Variants in FAM114A1 observed in about 807,000 individuals in gnomAD.
FAM114A1 encodes family with sequence similarity 114 member A1.
In FAM114A1, 62 loss-of-function variants were observed where a neutral mutation model predicts 64.3. The ratio of observed to expected loss-of-function variants is 0.96; its 90% confidence interval spans 0.79 to 1.19. The LOEUF (loss-of-function observed/expected upper bound fraction) is 1.19, where lower values mean the gene tolerates loss of function less well. FAM114A1 is among the 50% of genes most tolerant of loss of function. The pLI, the probability that FAM114A1 is intolerant of heterozygous loss-of-function variation, is 0.00. For missense variants in FAM114A1, 645 were observed against 676.3 expected (o/e 0.95, Z 0.51); for synonymous variants, 254 against 251.1 (o/e 1.01, Z -0.11).
At position 38,914,902 on chromosome 4, in the gene FAM114A1, A is replaced by T; in HGVS notation, c.793-19A>T. ...TTTTAAATGTACATCCAGAGTACAA[A>T]CATTGTGTATTTCTGCAGATGTTAA... On this transcript the variant is annotated intron_variant, in intron 7 of 14. Coordinates refer to ENST00000358869, the MANE Select transcript of FAM114A1 (RefSeq NM_138389.4). The T allele has an allele frequency of 6.2e-7, 1 of 1,612,540 alleles. No individual in the cohort carries two copies. The highest frequency in any genetic ancestry group is 8.5e-7 in the Non-Finnish European group (1 of 1,178,932).
intron 7 of FAM114A1, among the ~76,000 whole-genome samples, chr4:38,913,498 C>T (rs1438626616): frequency 2.6e-5 from 4 of 152,044 alleles, no homozygotes; most frequent in Non-Finnish European, 5.9e-5. Flanking sequence ...TCAACCTCCG[C>T]CTCTCCTGCC....
chr4:38,899,919 A>C (rs1416327545), intron 4 of FAM114A1, among the ~76,000 whole-genome samples: 1 of 152,058 alleles, frequency 6.6e-6, no homozygotes, highest in East Asian at 1.9e-4. Flanking sequence ...CAGTTTTTGC[A>C]GGCCTTACTT....
intron 6 of FAM114A1, among the ~76,000 whole-genome samples, chr4:38,907,740 CATA>C (rs1227715523): frequency 6.6e-6 from 1 of 151,846 alleles, no homozygotes; most frequent in Non-Finnish European, 1.5e-5. Context: ...GTAATAATAT[CATA>C]ATAAAATACA....
Position 38,878,351 on chromosome 4 carries a change from T to G in FAM114A1, c.273T>G (p.Leu91=). 1 of 1,613,988 alleles carries G rather than the reference T, an allele frequency of 6.2e-7. No individual in the cohort carries two copies. The highest frequency in any genetic ancestry group is 8.5e-7 in the Non-Finnish European group (1 of 1,179,918). The part of the protein sequence containing the change: ...PLNGDVTEDT[L]AECIDSVSLE... The stretch of plus-strand genomic sequence containing the variant: ...ATGGAGACGTGACTGAGGATACACT[T>G]GCTGAATGTATTGATTCCGTCAGCC... The change falls in exon 3 of 15, where the codon CTT becomes CTG. Residue 91 remains leucine, a synonymous_variant. Transcript: ENST00000358869.
chr4:38,867,901 C>A (rs7340910), intron 1 of FAM114A1, 67 bp downstream of exon 1: 4,461 of 196,726 alleles, frequency 0.023, 160 homozygotes, highest in African/African-American at 0.085. Context: ...GGGGCGGCTG[C>A]CCGGGGGTGG....
chr4:38,922,402 A>C (rs1047611718), intron 8 of FAM114A1, among the ~76,000 whole-genome samples: 1 of 152,254 alleles, frequency 6.6e-6, no homozygotes, highest in African/African-American at 2.4e-5. Context: ...CGAAGGTCAT[A>C]GTAAGTGAGG....
In FAM114A1 at chr4:38,944,655, T is replaced by C. The variant is rs1721832096; in HGVS notation, c.*1098T>C. The C allele has an allele frequency of 6.6e-6, 1 of 152,186 alleles. No individual in the cohort carries two copies. 9.4% of individuals were successfully genotyped at this position (152,186 alleles called of 1,614,324 possible). ...ATTACTGCCTGAGCTCTGCCTCCCG[T>C]CAGGTCAGCAGCAGCATTAGAGTCT... On this transcript the variant is annotated 3_prime_UTR_variant, in exon 15 of 15. Transcript: ENST00000358869.
At chr4:38,905,436 T>C in intron 4 of FAM114A1, 86 bp from the exon 5 acceptor site, 1 of 1,006,222 alleles carries the variant, frequency 9.9e-7, no homozygotes, top group Non-Finnish European at 1.5e-6. Context: ...CTTCTGCAAC[T>C]TGAAACAGCT....
chr4:38,923,026 TCTGCTCTTGTTACAGG>T (rs1168316472), intron 9 of FAM114A1, 133 bp downstream of exon 9: 2 of 1,047,778 alleles, frequency 1.9e-6, no homozygotes, highest in African/African-American at 3.3e-5. Flanking sequence ...ACACTGTGCA[TCTGCTCTTGTTACAGG>T]AGCTGGTCAC....
intron 13 of FAM114A1, 132 bp from the exon 14 acceptor site, chr4:38,940,836 T>C: frequency 1.1e-6 from 1 of 891,376 alleles, no homozygotes; most frequent in Non-Finnish European, 1.8e-6. Flanking sequence ...GCCTGGTCTG[T>C]AGGAAGCATT....
intron 4 of FAM114A1, among the ~76,000 whole-genome samples, chr4:38,899,927 C>T (rs1717342279): frequency 6.6e-6 from 1 of 152,046 alleles, no homozygotes; most frequent in Admixed American, 6.5e-5. Context: ...GCAGGCCTTA[C>T]TTATTTCCAC....
chr4:38,944,952 A>T lies in FAM114A1; in HGVS notation c.*1395A>T, dbSNP rs1721859364. The T allele has an allele frequency of 6.6e-6, 1 of 152,204 alleles. No individual in the cohort carries two copies. The highest frequency in any genetic ancestry group is 1.5e-5 in the Non-Finnish European group (1 of 68,034). 9.4% of individuals were successfully genotyped at this position (152,204 alleles called of 1,614,324 possible). A position where few individuals can be genotyped will look rare whatever the true frequency, so the allele number is the denominator to read the frequency against. On this transcript the variant is annotated 3_prime_UTR_variant, in exon 15 of 15. Coordinates refer to ENST00000358869, the MANE Select transcript of FAM114A1 (RefSeq NM_138389.4). The stretch of plus-strand genomic sequence containing the variant: ...CCTTAAAAACTTTGAAGAACAAGGT[A>T]AATTGGTGTTTTATTTAATGTCCTA...
At chr4:38,928,757 G>A (rs1720366322) in intron 9 of FAM114A1, among the ~76,000 whole-genome samples, 1 of 152,192 alleles carries the variant, frequency 6.6e-6, no homozygotes, top group South Asian at 2.1e-4. Context: ...GACTAATTCG[G>A]TTTATTCAGC....
rs538156355 is a variant in FAM114A1 at position 38,890,918 on chromosome 4, A to G, written c.349-825A>G. ...CAGGGCCTTCAGAGGGACAGAAACCAGGGACTGAGAAGCTGTCAGGAATCC... is the reference window on the plus strand; with the variant it reads ...CAGGGCCTTCAGAGGGACAGAAACCGGGGACTGAGAAGCTGTCAGGAATCC... On this transcript the variant is annotated intron_variant, in intron 3 of 14. Coordinates refer to ENST00000358869, the MANE Select transcript of FAM114A1 (RefSeq NM_138389.4). Among the ~76,000 whole-genome samples, 9 of 152,326 alleles carry G rather than the reference A, an allele frequency of 5.9e-5. No homozygotes were observed. In the South Asian group the frequency reaches 1.5e-3, roughly 25 times the overall value.
intron 10 of FAM114A1, 60 bp downstream of exon 10, chr4:38,929,393 T>C: frequency 7.8e-7 from 1 of 1,284,188 alleles, no homozygotes; most frequent in Non-Finnish European, 1.1e-6. Flanking sequence ...GGAGAGTCTC[T>C]GTTGTAAAGT....
At position 38,900,310 on chromosome 4, in the gene FAM114A1, T is replaced by TCTTCC. The variant is rs1717395160; in HGVS notation, c.437-5212_437-5211insCTTCC. Among the ~76,000 whole-genome samples, 13 of 151,778 alleles carry TCTTCC rather than the reference T, an allele frequency of 8.6e-5. No individual in the cohort carries two copies. The South Asian group carries it at 2.3e-3, about 27-fold the overall frequency. Reference sequence around the variant, plus strand: ...TGCTCTTGGTGGGGTTATAAAATGGTACAGCTGCTGTGGAAGACAGTACAA... The same window carrying TCTTCC: ...TGCTCTTGGTGGGGTTATAAAATGGTCTTCCACAGCTGCTGTGGAAGACAGTACAA... On this transcript the variant is annotated intron_variant, in intron 4 of 14. Coordinates refer to ENST00000358869, the MANE Select transcript of FAM114A1 (RefSeq NM_138389.4).
At chr4:38,906,222 A>G (rs1717989850) in intron 6 of FAM114A1, among the ~76,000 whole-genome samples, 1 of 152,100 alleles carries the variant, frequency 6.6e-6, no homozygotes, top group Non-Finnish European at 1.5e-5. Flanking sequence ...TGCTTATCTT[A>G]TCCCTGAGTT....
At chr4:38,877,680 C>T (rs955296392) in intron 2 of FAM114A1, among the ~76,000 whole-genome samples, 1 of 151,964 alleles carries the variant, frequency 6.6e-6, no homozygotes, top group East Asian at 1.9e-4. Context: ...AAAAGTTTGC[C>T]CTGGCCGGGC....
intron 9 of FAM114A1, among the ~76,000 whole-genome samples, chr4:38,925,611 T>C (rs1720031628): frequency 6.6e-6 from 1 of 152,208 alleles, no homozygotes; most frequent in East Asian, 1.9e-4. Flanking sequence ...TTAATATCAG[T>C]CTCCTCTGCA....
Sources: gnomAD v4.1 joint callset for allele counts (sites outside exome capture counted in the v4.1 genomes callset) on GRCh38, gnomAD v4.1.1 for gene constraint, MANE v1.5 for transcripts, NCBI Gene and HGNC (gene_info 2026-07-23, HGNC 2026-07-21) for gene names.